ARHGAP42: variants seen among roughly 807,000 people sequenced by gnomAD.
ARHGAP42 encodes the protein rho GTPase-activating protein 42.
Under a neutral mutation model 125.0 loss-of-function variants are expected in ARHGAP42, and 63 were observed. That is an observed-to-expected ratio of 0.50 (90% confidence interval 0.41 to 0.62). The LOEUF (loss-of-function observed/expected upper bound fraction) is 0.62. ARHGAP42 is among the 20% of genes least tolerant of loss of function. The probability of loss-of-function intolerance (pLI) is 0.00; values close to 1 mark genes in which losing one functional copy is unlikely to be tolerated. For missense variants in ARHGAP42, 766 were observed against 1,024.2 expected, an observed-to-expected ratio of 0.75 and a Z score of 3.44; for synonymous variants, 339 against 351.0, an observed-to-expected ratio of 0.97 and a Z score of 0.38.
At chr11:100,801,975 T>C (rs1351980932) in intron 3 of ARHGAP42, among the ~76,000 whole-genome samples, 1 of 152,226 alleles carries the variant, frequency 6.6e-6, no homozygotes, top group Non-Finnish European at 1.5e-5. Flanking sequence ...TTATTGGAAA[T>C]GCTAGAATTT....
At chr11:100,873,234 T>C (rs1369346479) in intron 4 of ARHGAP42, among the ~76,000 whole-genome samples, 1 of 152,266 alleles carries the variant, frequency 6.6e-6, no homozygotes, top group Non-Finnish European at 1.5e-5. Flanking sequence ...CGGGTATGAT[T>C]GCAGCTGCTA....
At chr11:100,961,812 C>G in intron 15 of ARHGAP42, 44 bp downstream of exon 15, 1 of 1,492,260 alleles carries the variant, frequency 6.7e-7, no homozygotes, top group Non-Finnish European at 9.1e-7. Flanking sequence ...TAATCTCTGA[C>G]TCACCCCTTG....
intron 3 of ARHGAP42, among the ~76,000 whole-genome samples, chr11:100,828,620 C>T (rs1265686097): frequency 6.6e-6 from 1 of 151,920 alleles, no homozygotes; most frequent in Non-Finnish European, 1.5e-5. Flanking sequence ...TCAGATTCAA[C>T]ATACATGACT....
intron 8 of ARHGAP42, among the ~76,000 whole-genome samples, chr11:100,937,165 T>G (rs549428692): frequency 1.3e-5 from 2 of 152,340 alleles, no homozygotes; most frequent in African/African-American, 4.8e-5. Flanking sequence ...CATTTATTAC[T>G]GCATGGACTT....
intron 4 of ARHGAP42, among the ~76,000 whole-genome samples, chr11:100,912,084 G>C (rs1051557918): frequency 1.3e-5 from 2 of 152,120 alleles, no homozygotes; most frequent in East Asian, 3.9e-4. Context: ...ATAGATTCTT[G>C]GAAGTATAAC....
At chr11:100,944,330 G>A (rs574248510) in intron 10 of ARHGAP42, among the ~76,000 whole-genome samples, 4 of 152,040 alleles carry the variant, frequency 2.6e-5, no homozygotes, top group East Asian at 1.9e-4. Flanking sequence ...GCACTGTTCC[G>A]GGTATTCTTA....
At chr11:100,705,616 G>A (rs564588631) in intron 1 of ARHGAP42, among the ~76,000 whole-genome samples, 15 of 152,198 alleles carry the variant, frequency 9.9e-5, no homozygotes, top group Non-Finnish European at 2.1e-4. Flanking sequence ...AGACTAGAGA[G>A]AAATTAGACC....
In ARHGAP42 at chr11:100,829,212, A is replaced by G. The variant is rs1031331245; in HGVS notation, c.313-30342A>G. 4.6e-5 allele frequency among the ~76,000 whole-genome samples: 7 copies of G among 152,000 alleles called. No individual in the cohort carries two copies. In the South Asian group the frequency reaches 8.3e-4, roughly 18 times the overall value. On this transcript the variant is annotated intron_variant, in intron 3 of 23. Coordinates refer to ENST00000298815, the MANE Select transcript of ARHGAP42 (RefSeq NM_152432.4). The stretch of plus-strand genomic sequence containing the variant: ...AGGCAGGAAGAATGGTGGCTTGGGG[A>G]AAAAAAGCATGGTGGCTTCCGCCTG...
At chr11:100,942,413 C>T (rs1591311065) in intron 9 of ARHGAP42, among the ~76,000 whole-genome samples, 1 of 152,112 alleles carries the variant, frequency 6.6e-6, no homozygotes, top group African/African-American at 2.4e-5. Context: ...TCTCACATGG[C>T]TAGTGAACAG....
At chr11:100,849,580 AT>A (rs397760462) in intron 3 of ARHGAP42, among the ~76,000 whole-genome samples, 13 of 150,060 alleles carry the variant, frequency 8.7e-5, no homozygotes, top group African/African-American at 2.0e-4. Context: ...CTTTCAGTTA[AT>A]TTTTTTTTTG....
chr11:100,812,352 A>G (rs1011044729), intron 3 of ARHGAP42, among the ~76,000 whole-genome samples: 1 of 152,220 alleles, frequency 6.6e-6, no homozygotes, highest in Non-Finnish European at 1.5e-5. Flanking sequence ...TTCAACAAAT[A>G]TTTATTAATC....
At chr11:100,934,974 C>T (rs764919958) in intron 7 of ARHGAP42, among the ~76,000 whole-genome samples, 13 of 151,916 alleles carry the variant, frequency 8.6e-5, no homozygotes, top group Middle Eastern at 3.4e-3. Context: ...TAAAAGCTGA[C>T]GTATTTTTAT....
At chr11:100,730,369 A>C (rs374738765) in intron 1 of ARHGAP42, among the ~76,000 whole-genome samples, 7 of 152,230 alleles carry the variant, frequency 4.6e-5, no homozygotes, top group Admixed American at 2.0e-4. Flanking sequence ...AGAGGTATGC[A>C]TGGCTATTAA....
Position 100,976,950 on chromosome 11 carries a change from G to A in ARHGAP42, c.2372G>A (p.Gly791Asp). The A allele has an allele frequency of 6.4e-7, 1 of 1,551,366 alleles. No homozygotes were observed. Among genetic ancestry groups the A allele is most frequent in the East Asian group, 2.4e-5 (1 of 40,916 alleles). Residue 791 changes from glycine (G) to aspartate (D), a missense_variant, in exon 21 of 24, where the codon GGC becomes GAC. Gly to Asp is a moderately conservative substitution (Grantham distance 94). Coordinates refer to ENST00000298815, the MANE Select transcript of ARHGAP42 (RefSeq NM_152432.4). ...RLRLDTASSN[G>D]YQRPGSVVAA... ...AGACTAGACACTGCCTCAAGCAATG[G>A]CTATCAGCGGCCTGGCTCAGTGTAA...
At chr11:100,967,012 C>T (rs1858112202) in intron 17 of ARHGAP42, among the ~76,000 whole-genome samples, 1 of 152,092 alleles carries the variant, frequency 6.6e-6, no homozygotes, top group Admixed American at 6.5e-5. Context: ...TTACTTTGCT[C>T]ATCCTTCCCC....
chr11:100,831,427 G>A lies in ARHGAP42; in HGVS notation c.313-28127G>A, dbSNP rs569109899. ...TGACTTAAAAGGAGTCATCCACATC[G>A]TTAGGATATTATAACATTGTACTAA... On this transcript the variant is annotated intron_variant, in intron 3 of 23. Transcript: ENST00000298815. 1.3e-4 allele frequency among the ~76,000 whole-genome samples: 20 copies of A among 152,238 alleles called. No homozygotes were observed. The East Asian group carries it at 2.1e-3, about 16-fold the overall frequency.
At chr11:100,923,289 A>G (rs773742881) in intron 6 of ARHGAP42, among the ~76,000 whole-genome samples, 57 of 152,162 alleles carry the variant, frequency 3.7e-4, no homozygotes, top group Non-Finnish European at 6.5e-4. Context: ...ACACCAAACC[A>G]TCTGAGACTC....
At chr11:100,910,559 G>A (rs550719700) in intron 4 of ARHGAP42, among the ~76,000 whole-genome samples, 33 of 151,904 alleles carry the variant, frequency 2.2e-4, no homozygotes, top group African/African-American at 7.0e-4. Context: ...CTTAAGCAGC[G>A]CTTATTTCAG....
At chr11:100,820,788 G>C (rs1302643524) in intron 3 of ARHGAP42, among the ~76,000 whole-genome samples, 1 of 151,970 alleles carries the variant, frequency 6.6e-6, no homozygotes, top group Non-Finnish European at 1.5e-5. Flanking sequence ...TGTATTGTTA[G>C]TTACACTTTC....
Sources: allele counts gnomAD v4.1 joint callset (sites outside exome capture counted in the v4.1 genomes callset), GRCh38; gene constraint gnomAD v4.1.1; transcripts MANE v1.5; gene names NCBI Gene and HGNC (gene_info 2026-07-23, HGNC 2026-07-21).